Variants in KIAA0930 observed in about 807,000 individuals in gnomAD.
The protein encoded by KIAA0930 is KIAA0930.
KIAA0930 carries 24 observed loss-of-function variants against 43.9 expected under a neutral mutation model. The observed-to-expected ratio is 0.55, with a 90% CI of 0.40 to 0.77. KIAA0930 has a LOEUF of 0.77. Ranked by LOEUF, KIAA0930 falls within the 30% of genes least tolerant of loss-of-function variation. KIAA0930 has a pLI of 0.00. For synonymous variants in KIAA0930, 259 were observed against 216.4 expected (o/e 1.20, Z -1.73); for missense variants, 461 against 574.2 (o/e 0.80, Z 2.02).
intron 1 of KIAA0930, among the ~76,000 whole-genome samples, chr22:45,214,671 G>A (rs2083720330): frequency 6.6e-6 from 1 of 152,136 alleles, no homozygotes; most frequent in Non-Finnish European, 1.5e-5. Context: ...CACTTTGGGA[G>A]GCCAAGGCGG....
chr22:45,231,120 G>A lies in KIAA0930; in HGVS notation c.64+9520C>T, dbSNP rs180822692. On this transcript the variant is annotated intron_variant, in intron 1 of 9. Transcript: ENST00000336156. ...ACATAAAAATCAGCCAGGCATGGTG[G>A]TGGCCGCCTATAATCCCAGCTACTC... Among the ~76,000 whole-genome samples, 647 of 151,560 alleles carry A rather than the reference G, an allele frequency of 4.3e-3. 4 individuals are homozygous for A. Among genetic ancestry groups the A allele is most frequent in the South Asian group, 0.021 (99 of 4,802 alleles).
At position 45,205,835 on chromosome 22, in the gene KIAA0930, G is replaced by T. The variant is rs779777240; in HGVS notation, c.294C>A (p.Ile98=). ...TCAGGCAGACGCTCTCCTCCCAGTCGATGTCAGGGTCTCCCAGGCCTGGCA... is the reference window on the plus strand; with the variant it reads ...TCAGGCAGACGCTCTCCTCCCAGTCTATGTCAGGGTCTCCCAGGCCTGGCA... ...KKLPGLGDPD[I]DWEESVCLNL... Residue 98 remains isoleucine, a synonymous_variant, in exon 3 of 10, where the codon ATC becomes ATA. Coordinates refer to ENST00000336156, the MANE Select transcript of KIAA0930 (RefSeq NM_001009880.2). 6.6e-7 allele frequency: 1 copy of T among 1,522,416 alleles called. No homozygotes were observed. The highest frequency in any genetic ancestry group is 8.9e-7 in the Non-Finnish European group (1 of 1,128,318). 94.3% of individuals were successfully genotyped at this position (1,522,416 alleles called of 1,614,324 possible).
chr22:45,240,550 G>T (rs752854019), intron 1 of KIAA0930, 90 bp downstream of exon 1: 60 of 904,904 alleles, frequency 6.6e-5, no homozygotes, highest in Non-Finnish European at 9.7e-5. Context: ...AGACAGAGAT[G>T]CGCGGGGCGC....
At chr22:45,208,128 C>T (rs530542637) in intron 2 of KIAA0930, among the ~76,000 whole-genome samples, 46 of 152,110 alleles carry the variant, frequency 3.0e-4, no homozygotes, top group South Asian at 2.1e-4. Context: ...GGGAGCTGCC[C>T]GGTACCCACT....
chr22:45,226,665 C>A (rs148034916), intron 1 of KIAA0930: 1 of 216,576 alleles, frequency 4.6e-6, no homozygotes, highest in South Asian at 6.3e-5. Flanking sequence ...GGGGCCTTAT[C>A]CAAGATCCTA....
intron 2 of KIAA0930, among the ~76,000 whole-genome samples, chr22:45,211,703 G>A (rs2083695110): frequency 6.6e-6 from 1 of 152,202 alleles, no homozygotes; most frequent in South Asian, 2.1e-4. Context: ...TCAAAGCTAC[G>A]ACGGTGACGG....
chr22:45,240,474 T>TG (rs139084178), intron 1 of KIAA0930, among the ~76,000 whole-genome samples, 166 bp downstream of exon 1: 1,678 of 122,692 alleles, frequency 0.014, 17 homozygotes, highest in African/African-American at 0.036. Flanking sequence ...GCAGGGACGG[T>TG]GGGGGGGGGG....
chr22:45,233,865 C>T (rs1447509875), intron 1 of KIAA0930, among the ~76,000 whole-genome samples: 3 of 152,200 alleles, frequency 2.0e-5, no homozygotes, highest in East Asian at 3.9e-4. Context: ...TTACAAGTCC[C>T]GCTTGGCCCT....
chr22:45,197,435 G>A (rs2083547297), intron 9 of KIAA0930, among the ~76,000 whole-genome samples: 2 of 152,222 alleles, frequency 1.3e-5, no homozygotes, highest in Admixed American at 1.3e-4. Flanking sequence ...GGCCTCAGGT[G>A]CAAGCTGGTG....
intron 1 of KIAA0930, among the ~76,000 whole-genome samples, chr22:45,222,216 C>G (rs2083771562): frequency 6.6e-6 from 1 of 152,076 alleles, no homozygotes; most frequent in African/African-American, 2.4e-5. Context: ...AAAGAAAAAC[C>G]ATGAGAGGAT....
At chr22:45,199,808 G>T in intron 8 of KIAA0930, 65 bp downstream of exon 8, 2 of 1,335,824 alleles carry the variant, frequency 1.5e-6, no homozygotes, top group Non-Finnish European at 2.0e-6. Flanking sequence ...ATGAATGAAT[G>T]ACTGGTCTGG....
At chr22:45,200,142 G>T (rs1170068540) in intron 7 of KIAA0930, 107 bp from the exon 8 acceptor site, 2 of 1,188,126 alleles carry the variant, frequency 1.7e-6, no homozygotes, top group Non-Finnish European at 2.3e-6. Flanking sequence ...AGCTCCCAGG[G>T]AAGAGGCCGC....
intron 1 of KIAA0930, among the ~76,000 whole-genome samples, chr22:45,215,896 C>T (rs1296675008): frequency 2.0e-5 from 3 of 152,064 alleles, no homozygotes; most frequent in East Asian, 1.9e-4. Context: ...AACGGGGAGG[C>T]GGGTGCCTGT....
At chr22:45,199,263 G>A (rs544348987) in intron 8 of KIAA0930, among the ~76,000 whole-genome samples, 8 of 152,304 alleles carry the variant, frequency 5.3e-5, no homozygotes, top group Admixed American at 6.5e-5. Context: ...GAGCAGGCAC[G>A]GGTGCTCAGG....
intron 1 of KIAA0930, among the ~76,000 whole-genome samples, chr22:45,238,075 C>T (rs948103033): frequency 1.3e-5 from 2 of 152,038 alleles, no homozygotes; most frequent in Non-Finnish European, 2.9e-5. Flanking sequence ...CGCCCGCCAC[C>T]ACGCCTGGCT....
chr22:45,208,158 C>T (rs1031767866), intron 2 of KIAA0930, among the ~76,000 whole-genome samples: 8 of 152,118 alleles, frequency 5.3e-5, no homozygotes, highest in African/African-American at 1.7e-4. Flanking sequence ...GTGGCCAGGC[C>T]GCCATGGTAC....
intron 2 of KIAA0930, among the ~76,000 whole-genome samples, chr22:45,210,088 C>A (rs73434154): frequency 2.0e-5 from 3 of 152,196 alleles, no homozygotes; most frequent in Non-Finnish European, 2.9e-5. Flanking sequence ...TGACCAGAGT[C>A]GTGACCTCTC....
At chr22:45,228,846 C>T (rs1346066628) in intron 1 of KIAA0930, among the ~76,000 whole-genome samples, 2 of 107,620 alleles carry the variant, frequency 1.9e-5, no homozygotes, top group Non-Finnish European at 3.7e-5. Flanking sequence ...CCCGAAAGAT[C>T]CCTCTTCACC....
At chr22:45,209,943 T>C (rs1431522045) in intron 2 of KIAA0930, among the ~76,000 whole-genome samples, 3 of 152,130 alleles carry the variant, frequency 2.0e-5, no homozygotes, top group Admixed American at 2.0e-4. Context: ...CTGCGCTTTC[T>C]CAGTGGAGGG....
Sources: allele counts gnomAD v4.1 joint callset (sites outside exome capture counted in the v4.1 genomes callset), GRCh38; gene constraint gnomAD v4.1.1; transcripts MANE v1.5; gene names NCBI Gene and HGNC (gene_info 2026-07-23, HGNC 2026-07-21).